Variants in USP54 observed in about 807,000 individuals in gnomAD.
USP54 encodes ubiquitin carboxyl-terminal hydrolase 54.
Under a neutral mutation model 170.5 loss-of-function variants are expected in USP54, and 87 were observed. That is an observed-to-expected ratio of 0.51 (90% confidence interval 0.43 to 0.61). USP54 has a LOEUF of 0.61. Ranked by LOEUF, USP54 falls within the 20% of genes least tolerant of loss-of-function variation. The pLI is 0.00. For synonymous variants in USP54, 655 were observed against 742.8 expected (o/e 0.88, Z 1.92); for missense variants, 1,786 against 2,047.8 (o/e 0.87, Z 2.47).
rs1196981632 is a variant in USP54 at position 73,523,678 on chromosome 10, T to C, written c.2267A>G (p.Glu756Gly). ...EEVARRAQEQELRRKREKELE... is the reference protein window; with the variant it reads ...EEVARRAQEQGLRRKREKELE... ...CTCCTTCTCCCGTTTTCTTCGAAGTTCCTGTTCCTGCGCCCTCCTGGCCAC... is the reference window on the plus strand; with the variant it reads ...CTCCTTCTCCCGTTTTCTTCGAAGTCCCTGTTCCTGCGCCCTCCTGGCCAC... The change falls in exon 17 of 24, where the codon GAA becomes GGA. Residue 756 changes from glutamate (E) to glycine (G), a missense_variant. Coordinates refer to ENST00000687698, the MANE Select transcript of USP54 (RefSeq NM_001391956.1). 1.9e-6 allele frequency: 3 copies of C among 1,613,890 alleles called. No homozygotes were observed. In the African/African-American group the frequency reaches 4.0e-5, roughly 22 times the overall value.
At chr10:73,583,293 A>AT (rs1161509620) in intron 1 of USP54, among the ~76,000 whole-genome samples, 1 of 151,578 alleles carries the variant, frequency 6.6e-6, no homozygotes, top group African/African-American at 2.4e-5. Flanking sequence ...AACAAAGAAA[A>AT]TTTTTTTTTG....
chr10:73,518,369 T>TTAGGAG (rs1237063074), intron 19 of USP54: 2 of 400,506 alleles, frequency 5.0e-6, no homozygotes, highest in African/African-American at 4.4e-5. Context: ...CTCTTGAGAT[T>TTAGGAG]TAGGAGTAGG....
At position 73,597,695 on chromosome 10, in the gene USP54, C is replaced by A. The variant is rs114603126; in HGVS notation, c.-17-22020G>T. 3.5e-3 allele frequency among the ~76,000 whole-genome samples: 530 copies of A among 152,346 alleles called. 1 individual carries two copies. The highest frequency in any genetic ancestry group is 0.012 in the African/African-American group (506 of 41,590). On this transcript the variant is annotated intron_variant, in intron 1 of 22. Transcript: ENST00000339859. ...CGGCCAGCTCTATGTGAATTAAACT[C>A]TTTCTCCATTGCTATTCTCCTGTCT...
rs142598670 is a variant in USP54, at chr10:73,620,034, C to G, written c.-18+5533G>C. 3.3e-3 allele frequency among the ~76,000 whole-genome samples: 502 copies of G among 150,486 alleles called. 2 individuals carry two copies. The highest frequency in any genetic ancestry group is 5.4e-3 in the Non-Finnish European group (367 of 68,004). On this transcript the variant is annotated intron_variant, in intron 1 of 22. Coordinates refer to the USP54 transcript ENST00000339859. Reference sequence around the variant, plus strand: ...TCATTTAAAAGTTCTCTAGGCTTGCCGGGCACAGTGGGTCACACCTGTAAT... The same window carrying G: ...TCATTTAAAAGTTCTCTAGGCTTGCGGGGCACAGTGGGTCACACCTGTAAT...
Position 73,509,779 on chromosome 10 carries a change from G to A in USP54, c.4052-4353C>T, listed in dbSNP as rs190490702. On this transcript the variant is annotated intron_variant, in intron 20 of 23. Transcript: ENST00000687698. ...TCCTAGCACTTTGGGTGGTTGAGGC[G>A]GGTAAACTACTTGAGCTCAGGAGGT... 4.2e-3 allele frequency among the ~76,000 whole-genome samples: 645 copies of A among 152,180 alleles called. 3 individuals carry two copies. The highest frequency in any genetic ancestry group is 0.02 in the Middle Eastern group (6 of 294).
At chr10:73,507,928 C>A (rs2133201220) in intron 20 of USP54, among the ~76,000 whole-genome samples, 1 of 151,796 alleles carries the variant, frequency 6.6e-6, no homozygotes, top group African/African-American at 2.4e-5. Flanking sequence ...AAGGTGGAAG[C>A]TGCAGTGAGC....
intron 1 of USP54, among the ~76,000 whole-genome samples, chr10:73,600,604 G>T (rs2079090065): frequency 6.6e-6 from 1 of 152,060 alleles, no homozygotes; most frequent in Non-Finnish European, 1.5e-5. Context: ...GTGGAAGGAG[G>T]GTGAGAGTCA....
Position 73,571,649 on chromosome 10 carries a change from T to C in USP54, c.148-136A>G, listed in dbSNP as rs2075222987. The C allele has an allele frequency of 1.2e-5, 7 of 591,526 alleles. No individual in the cohort carries two copies. The East Asian group carries it at 2.1e-4, about 17-fold the overall frequency. 36.6% of individuals were successfully genotyped at this position (591,526 alleles called of 1,614,324 possible). A position where few individuals can be genotyped will look rare whatever the true frequency, so the allele number is the denominator to read the frequency against. ...CAAAAGAAAACTTCATTCTAGTATATTAAAACAAATGTGAAAAAAGGTGAG... is the reference window on the plus strand; with the variant it reads ...CAAAAGAAAACTTCATTCTAGTATACTAAAACAAATGTGAAAAAAGGTGAG... On this transcript the variant is annotated intron_variant, in intron 3 of 23. Transcript: ENST00000687698.
rs188420552 is a variant in USP54 at position 73,504,977 on chromosome 10, C to T, written c.4184G>A (p.Arg1395Gln). Reference protein sequence around the residue: ...TVRTSQATPCRGLSRECGEDE... With the variant: ...TVRTSQATPCQGLSRECGEDE... ...CTCCCCACACTCCCTGCTGAGGCCT[C>T]GGCAAGGTGTAGCCTTCAAACACAC... The change falls in exon 22 of 24, where the codon CGA becomes CAA. Residue 1395 changes from arginine (R) to glutamine (Q), a missense_variant. Transcript: ENST00000687698. 9.8e-5 allele frequency: 158 copies of T among 1,614,142 alleles called. No individual in the cohort carries two copies. In the Admixed American group the frequency reaches 2.4e-3, roughly 25 times the overall value.
chr10:73,542,895 A>G lies in USP54; in HGVS notation c.490-10T>C. ...AGCTAGTACATACACACTGGGCAAA[A>G]GAGAAAAAGGCAAAACCAAGCAACC... is the stretch of plus-strand genomic sequence containing the variant. On this transcript the variant is annotated splice_polypyrimidine_tract_variant and intron_variant, in intron 6 of 23. Transcript: ENST00000687698. 6.2e-7 allele frequency: 1 copy of G among 1,614,156 alleles called. No individual in the cohort carries two copies. Among genetic ancestry groups the G allele is most frequent in the Non-Finnish European group, 8.5e-7 (1 of 1,180,016 alleles).
intron 4 of USP54, among the ~76,000 whole-genome samples, chr10:73,549,970 C>T (rs2068840609): frequency 6.6e-6 from 1 of 152,204 alleles, no homozygotes; most frequent in Non-Finnish European, 1.5e-5. Flanking sequence ...GTCACCCATG[C>T]TGGAGTGCAA....
chr10:73,622,709 T>G (rs147526341), intron 1 of USP54, among the ~76,000 whole-genome samples: 1 of 152,032 alleles, frequency 6.6e-6, no homozygotes, highest in Non-Finnish European at 1.5e-5. Context: ...TCCCAGCATT[T>G]TGGGAGGCTG....
intron 1 of USP54, among the ~76,000 whole-genome samples, chr10:73,584,768 C>T (rs1424142470): frequency 6.6e-6 from 1 of 151,968 alleles, no homozygotes; most frequent in Non-Finnish European, 1.5e-5. Context: ...CAGAGATAAC[C>T]GACCATTGAG....
Position 73,584,172 on chromosome 10 carries a change from G to A in USP54, c.-582+7106C>T, listed in dbSNP as rs183730096. 3.9e-3 allele frequency among the ~76,000 whole-genome samples: 601 copies of A among 152,252 alleles called. 1 individual carries two copies. Among genetic ancestry groups the A allele is most frequent in the Non-Finnish European group, 6.1e-3 (413 of 68,020 alleles). On this transcript the variant is annotated intron_variant, in intron 1 of 23. Transcript: ENST00000687698. ...TGGGAGGCCGAGGCGGACAGATCAC[G>A]AGGTCAGGAGCTCGAGACCAGTCTG...
At chr10:73,590,754 A>G (rs2078151384) in intron 1 of USP54, among the ~76,000 whole-genome samples, 1 of 152,212 alleles carries the variant, frequency 6.6e-6, no homozygotes, top group Admixed American at 6.5e-5. Context: ...AATTGACAAC[A>G]TATTGCCAAA....
chr10:73,591,247 C>T (rs1294072415), intron 1 of USP54, 31 bp downstream of exon 1: 1 of 152,094 alleles, frequency 6.6e-6, no homozygotes, highest in East Asian at 1.9e-4. Context: ...TTCTATCTAT[C>T]TGTTTTTACC....
At chr10:73,567,102 C>T (rs2133761835) in intron 4 of USP54, among the ~76,000 whole-genome samples, 1 of 151,912 alleles carries the variant, frequency 6.6e-6, no homozygotes, top group East Asian at 2.0e-4. Context: ...TGGTCTTGAA[C>T]TCCTTACCTC....
intron 4 of USP54, among the ~76,000 whole-genome samples, chr10:73,559,436 T>C (rs2133691602): frequency 6.6e-6 from 1 of 152,024 alleles, no homozygotes; most frequent in East Asian, 1.9e-4. Context: ...GACACATGCC[T>C]GTAATCCCAG....
At chr10:73,525,096 G>T (rs770315192) in intron 16 of USP54, among the ~76,000 whole-genome samples, 1 of 152,140 alleles carries the variant, frequency 6.6e-6, no homozygotes. Flanking sequence ...AACATGCATA[G>T]TATGACTTCA....
Sources: gnomAD v4.1 joint callset for allele counts (sites outside exome capture counted in the v4.1 genomes callset) on GRCh38, gnomAD v4.1.1 for gene constraint, MANE v1.5 for transcripts, NCBI Gene and HGNC (gene_info 2026-07-23, HGNC 2026-07-21) for gene names.